XYLT1: variants seen among roughly 807,000 people sequenced by gnomAD.
XYLT1 encodes xylosyltransferase 1.
XYLT1 carries 36 observed loss-of-function variants against 91.3 expected under a neutral mutation model. The observed-to-expected ratio is 0.39, with a 90% CI of 0.30 to 0.52. The LOEUF is 0.52. Ranked by LOEUF, XYLT1 falls within the 20% of genes least tolerant of loss-of-function variation. The pLI is 0.68. For missense variants in XYLT1, 1,242 were observed against 1,284.5 expected (o/e 0.97, Z 0.51); for synonymous variants, 588 against 532.0 (o/e 1.11, Z -1.45).
At chr16:17,309,072 C>T (rs113872818) in intron 2 of XYLT1, among the ~76,000 whole-genome samples, 31 of 152,230 alleles carry the variant, frequency 2.0e-4, no homozygotes, top group African/African-American at 7.2e-4. Flanking sequence ...AAGATATGCG[C>T]CTAATGCAAA....
At chr16:17,133,557 C>T (rs569411699) in intron 9 of XYLT1, among the ~76,000 whole-genome samples, 7 of 152,282 alleles carry the variant, frequency 4.6e-5, no homozygotes, top group Admixed American at 6.5e-5. Context: ...ATTATCATTG[C>T]GGAAGCTACT....
At chr16:17,324,347 C>A (rs988415684) in intron 2 of XYLT1, among the ~76,000 whole-genome samples, 51 of 152,298 alleles carry the variant, frequency 3.3e-4, no homozygotes, top group African/African-American at 1.2e-3. Flanking sequence ...CAGCATGACA[C>A]ATGCGGTGAG....
chr16:17,363,426 C>T (rs2035409356), intron 1 of XYLT1, among the ~76,000 whole-genome samples: 1 of 152,256 alleles, frequency 6.6e-6, no homozygotes, highest in Admixed American at 6.5e-5. Context: ...GTCTGCAGGT[C>T]TGGCTTCTGA....
intron 1 of XYLT1, among the ~76,000 whole-genome samples, chr16:17,428,572 G>A (rs1455137520): frequency 1.3e-5 from 2 of 152,136 alleles, no homozygotes; most frequent in Admixed American, 6.5e-5. Context: ...TCATAATGAT[G>A]ATCATCAAAA....
chr16:17,229,296 TG>T (rs1372617978), intron 3 of XYLT1, among the ~76,000 whole-genome samples: 10 of 152,208 alleles, frequency 6.6e-5, no homozygotes, highest in African/African-American at 2.4e-4. Flanking sequence ...CGCATGTCCA[TG>T]TGAGGGCTGG....
intron 2 of XYLT1, among the ~76,000 whole-genome samples, chr16:17,326,931 A>T (rs993458186): frequency 1.3e-5 from 2 of 152,348 alleles, no homozygotes; most frequent in East Asian, 3.9e-4. Flanking sequence ...AGAAATTCAA[A>T]CAAGTGCAGA....
chr16:17,114,626 T>C (rs1226245218), intron 11 of XYLT1, among the ~76,000 whole-genome samples: 1 of 152,162 alleles, frequency 6.6e-6, no homozygotes, highest in East Asian at 1.9e-4. Context: ...CTCCTCCCCA[T>C]GCTGTGTCCC....
At chr16:17,215,024 C>T (rs1021999915) in intron 3 of XYLT1, among the ~76,000 whole-genome samples, 3 of 152,124 alleles carry the variant, frequency 2.0e-5, no homozygotes, top group Admixed American at 6.5e-5. Context: ...CTCCTGTGAC[C>T]GTATTGGAGA....
At chr16:17,313,831 G>C (rs1283891950) in intron 2 of XYLT1, among the ~76,000 whole-genome samples, 1 of 152,182 alleles carries the variant, frequency 6.6e-6, no homozygotes, top group African/African-American at 2.4e-5. Flanking sequence ...GAAAAGTGTG[G>C]ATTAGGCTGG....
At chr16:17,194,551 T>TC (rs1341472434) in intron 5 of XYLT1, among the ~76,000 whole-genome samples, 1 of 151,084 alleles carries the variant, frequency 6.6e-6, no homozygotes, top group Non-Finnish European at 1.5e-5. Context: ...ACAATGGGGG[T>TC]CCTCCCAGGA....
intron 2 of XYLT1, among the ~76,000 whole-genome samples, chr16:17,288,718 G>C (rs1278623454): frequency 6.6e-6 from 1 of 152,092 alleles, no homozygotes; most frequent in Admixed American, 6.5e-5. Context: ...AGACCACGTG[G>C]AGGCGAGTCC....
chr16:17,270,949 G>T (rs536608014), intron 2 of XYLT1, among the ~76,000 whole-genome samples: 2 of 152,286 alleles, frequency 1.3e-5, no homozygotes, highest in South Asian at 2.1e-4. Context: ...CTTGCCCAAG[G>T]TCACTCGGTG....
intron 3 of XYLT1, among the ~76,000 whole-genome samples, chr16:17,206,597 A>T (rs2032650908): frequency 6.6e-6 from 1 of 152,126 alleles, no homozygotes; most frequent in Non-Finnish European, 1.5e-5. Context: ...AATACTTCTC[A>T]TGGTGGCTTG....
intron 10 of XYLT1, among the ~76,000 whole-genome samples, chr16:17,120,142 C>T (rs1170811128): frequency 1.3e-5 from 2 of 152,126 alleles, no homozygotes; most frequent in African/African-American, 4.8e-5. Flanking sequence ...CCCTCCAGTG[C>T]CTAGCATAGT....
intron 9 of XYLT1, among the ~76,000 whole-genome samples, chr16:17,128,921 C>T (rs1230220694): frequency 1.3e-5 from 2 of 152,058 alleles, no homozygotes; most frequent in African/African-American, 4.8e-5. Context: ...AATCATTGTC[C>T]CTGCTCAGCT....
chr16:17,462,046 GC>G (rs1319326650), intron 1 of XYLT1, among the ~76,000 whole-genome samples: 1 of 152,096 alleles, frequency 6.6e-6, no homozygotes, highest in African/African-American at 2.4e-5. Context: ...CAACCTCTCT[GC>G]CCCACAAACT....
intron 2 of XYLT1, among the ~76,000 whole-genome samples, chr16:17,337,195 C>CT: frequency 6.6e-6 from 1 of 152,012 alleles, no homozygotes; most frequent in Non-Finnish European, 1.5e-5. Context: ...TCCTGAGAAT[C>CT]TTTTTTCTTT....
At chr16:17,109,053 A>AT (rs1160515159) in intron 11 of XYLT1, 36 bp from the exon 12 acceptor site, 1 of 1,485,502 alleles carries the variant, frequency 6.7e-7, no homozygotes, top group Non-Finnish European at 8.9e-7. Flanking sequence ...GGATCAGAAG[A>AT]GCCACCAATA....
chr16:17,325,176 T>C (rs1336313701), intron 2 of XYLT1, among the ~76,000 whole-genome samples: 1 of 152,196 alleles, frequency 6.6e-6, no homozygotes, highest in East Asian at 1.9e-4. Flanking sequence ...GGTGGGCAGA[T>C]TGCCTGAGGT....
Sources: allele counts gnomAD v4.1 joint callset (sites outside exome capture counted in the v4.1 genomes callset), GRCh38; gene constraint gnomAD v4.1.1; transcripts MANE v1.5; gene names NCBI Gene and HGNC (gene_info 2026-07-23, HGNC 2026-07-21).